The following SYCE1 variants were observed in gnomAD, a reference collection of about 807,000 sequenced individuals.
SYCE1 encodes synaptonemal complex central element protein 1.
In SYCE1, 37 loss-of-function variants were observed where a neutral mutation model predicts 55.1. The ratio of observed to expected loss-of-function variants is 0.67; its 90% CI spans 0.52 to 0.88. The LOEUF is 0.88. SYCE1 is among the 40% of genes least tolerant of loss of function. The probability of loss-of-function intolerance (pLI) is 0.00; values close to 1 mark genes in which losing one functional copy is unlikely to be tolerated. For synonymous variants in SYCE1, 163 were observed against 159.4 expected, an observed-to-expected ratio of 1.02 and a Z score of -0.17; for missense variants, 399 against 416.4, an observed-to-expected ratio of 0.96 and a Z score of 0.36.
At chr10:133,563,393 A>T (rs1350234518) in intron 1 of SYCE1, among the ~76,000 whole-genome samples, 1 of 152,180 alleles carries the variant, frequency 6.6e-6, no homozygotes, top group African/African-American at 2.4e-5. Context: ...TCATGCATAC[A>T]TGCATAAGGC....
At chr10:133,567,989 G>A (rs1341499726), upstream of SYCE1, 23 of 595,256 alleles carry the variant, frequency 3.9e-5, no homozygotes, top group African/African-American at 4.2e-4. Flanking sequence ...CACCCACTGG[G>A]GCTCCAAGAC....
At chr10:133,562,557 C>T (rs1246209109) in intron 1 of SYCE1, among the ~76,000 whole-genome samples, 1 of 152,084 alleles carries the variant, frequency 6.6e-6, no homozygotes, top group African/African-American at 2.4e-5. Context: ...ATTGTTTTTC[C>T]TTGTGTATCC....
rs1321237810 is a variant in SYCE1, at chr10:133,565,461, G to A, written c.69C>T (p.Ala23=). The stretch of plus-strand genomic sequence containing the variant: ...TTCCCTGCCTCCCACCACTACCTCC[G>A]GCCTTCTCAGCCCTGTCCACGGCTC... ...TAGAVDRAEK[A]GGQDTSSQKI... is the part of the protein sequence containing the mutation. The change falls in exon 1 of 13, where the codon GCC becomes GCT. Residue 23 remains alanine (A), a synonymous_variant. Coordinates refer to ENST00000343131, the MANE Select transcript of SYCE1 (RefSeq NM_001143764.3). 8 of 1,548,176 alleles carry A rather than the reference G, an allele frequency of 5.2e-6. No individual in the cohort carries two copies. Among genetic ancestry groups the A allele is most frequent in the Non-Finnish European group, 7.0e-6 (8 of 1,145,946 alleles).
At chr10:133,563,128 A>C (rs1252944700) in intron 1 of SYCE1, among the ~76,000 whole-genome samples, 2 of 151,712 alleles carry the variant, frequency 1.3e-5, no homozygotes, top group Admixed American at 6.5e-5. Flanking sequence ...AAACGTGTTT[A>C]TCTTTGTCAA....
In SYCE1 at chr10:133,558,227, GAC is replaced by G. The variant is rs751457315; in HGVS notation, c.272-15_272-14del. ...TTCTCTCCATGCACTAGAAAACAGTGACACATTTTGGCATCAGGGACTATGCA... is the reference window on the plus strand; with the variant it reads ...TTCTCTCCATGCACTAGAAAACAGTGACATTTTGGCATCAGGGACTATGCA... On this transcript the variant is annotated splice_polypyrimidine_tract_variant and intron_variant, in intron 4 of 12. Coordinates refer to ENST00000343131, the MANE Select transcript of SYCE1 (RefSeq NM_001143764.3). 145 of 1,613,994 alleles carry G rather than the reference GAC, an allele frequency of 9.0e-5. No homozygotes were observed. Among genetic ancestry groups the G allele is most frequent in the Non-Finnish European group, 1.1e-4 (135 of 1,179,992 alleles).
intron 6 of SYCE1, 158 bp from the exon 7 acceptor site, chr10:133,557,314 C>A: frequency 1.5e-6 from 1 of 659,710 alleles, no homozygotes; most frequent in East Asian, 2.6e-5. Flanking sequence ...GACCATTTGC[C>A]CCCTGGAAGT....
At chr10:133,564,398 A>G in intron 1 of SYCE1, 2 of 985,354 alleles carry the variant, frequency 2.0e-6, no homozygotes, top group Non-Finnish European at 1.2e-6. Context: ...GTTAAAACTT[A>G]CCTAAATATA....
chr10:133,554,735 G>A (rs1851609025), downstream of SYCE1: 1 of 1,046,724 alleles, frequency 9.6e-7, no homozygotes, highest in Non-Finnish European at 1.4e-6. Flanking sequence ...TGTGTATGCA[G>A]GTGGGTTCCA....
At chr10:133,556,206 C>T (rs1237756533) in intron 8 of SYCE1, 159 bp from the exon 9 acceptor site, 3 of 756,266 alleles carry the variant, frequency 4.0e-6, no homozygotes, top group Non-Finnish European at 6.4e-6. Context: ...AGGGCCATGG[C>T]ACTGGCCATT....
intron 1 of SYCE1, among the ~76,000 whole-genome samples, chr10:133,562,073 G>A (rs1185504559): frequency 1.3e-5 from 2 of 152,084 alleles, no homozygotes; most frequent in Non-Finnish European, 2.9e-5. Context: ...CCATAGCTAA[G>A]GTTCTGTCTT....
At chr10:133,561,955 A>G (rs1324900889) in intron 1 of SYCE1, among the ~76,000 whole-genome samples, 1 of 151,852 alleles carries the variant, frequency 6.6e-6, no homozygotes, top group Non-Finnish European at 1.5e-5. Flanking sequence ...AAAGGGGGGG[A>G]AGATTTTTGA....
chr10:133,566,603 G>GGGGTTGGGGTTA (rs1851941264), upstream of SYCE1, among the ~76,000 whole-genome samples: 1 of 129,766 alleles, frequency 7.7e-6, no homozygotes, highest in Admixed American at 8.3e-5. Context: ...TTTTAGTGTT[G>GGGGTTGGGGTTA]GGGTTAGGGT....
At chr10:133,564,091 G>A (rs1280172238) in intron 1 of SYCE1, among the ~76,000 whole-genome samples, 7 of 152,070 alleles carry the variant, frequency 4.6e-5, no homozygotes, top group African/African-American at 1.4e-4. Context: ...TCCATAGTTC[G>A]TATGTTGAAA....
intron 11 of SYCE1, 65 bp downstream of exon 11, chr10:133,555,532 G>C (rs1176283131): frequency 3.7e-6 from 6 of 1,606,546 alleles, no homozygotes; most frequent in Admixed American, 3.4e-5. Flanking sequence ...AGAAGGTGGA[G>C]AGAGGAGATA....
chr10:133,568,049 G>A (rs76966117), upstream of SYCE1: 2,749 of 625,936 alleles, frequency 4.4e-3, no homozygotes, highest in African/African-American at 0.044. Flanking sequence ...CCTGGGGGAC[G>A]GTGCGGCCCG....
chr10:133,556,265 G>T (rs1032709004), intron 8 of SYCE1: 2 of 601,556 alleles, frequency 3.3e-6, no homozygotes, highest in Admixed American at 5.9e-5. Context: ...TACTGCAGTG[G>T]GGATGCTCAT....
At chr10:133,564,946 T>C (rs10857763) in intron 1 of SYCE1, among the ~76,000 whole-genome samples, 19,183 of 152,056 alleles carry the variant, frequency 0.13, 1,346 homozygotes, top group East Asian at 0.25. Context: ...TAGGAGCCAC[T>C]ATGGCAGGTC....
upstream of SYCE1, among the ~76,000 whole-genome samples, chr10:133,566,040 C>T (rs1485077432): frequency 1.3e-5 from 2 of 152,234 alleles, no homozygotes; most frequent in Non-Finnish European, 2.9e-5. Flanking sequence ...GCCCGCTGTT[C>T]CTGCGCGCGC....
downstream of SYCE1, chr10:133,554,845 C>T (rs1385385459): frequency 2.1e-6 from 3 of 1,449,084 alleles, no homozygotes; most frequent in African/African-American, 2.9e-5. Context: ...ATCCAGAGAC[C>T]AGGAGGTTAA....
Sources: allele counts gnomAD v4.1 joint callset (sites outside exome capture counted in the v4.1 genomes callset), GRCh38; gene constraint gnomAD v4.1.1; transcripts MANE v1.5; gene names NCBI Gene and HGNC (gene_info 2026-07-23, HGNC 2026-07-21).